The following ZNF385D variants were observed in gnomAD, a reference collection of about 807,000 sequenced individuals.
ZNF385D encodes the protein zinc finger protein 659.
ZNF385D carries 15 observed loss-of-function variants against 35.8 expected under a neutral mutation model. The observed-to-expected ratio is 0.42, with a 90% confidence interval of 0.28 to 0.64. The LOEUF (loss-of-function observed/expected upper bound fraction) is 0.64. Ranked by LOEUF, ZNF385D falls within the 30% of genes least tolerant of loss-of-function variation. The pLI, the probability that ZNF385D is intolerant of heterozygous loss-of-function variation, is 0.23. For synonymous variants in ZNF385D, 212 were observed against 186.8 expected, an observed-to-expected ratio of 1.13 and a Z score of -1.10; for missense variants, 474 against 494.6, an observed-to-expected ratio of 0.96 and a Z score of 0.39.
chr3:22,027,636 A>C (rs1000487393), intron 3 of ZNF385D, among the ~76,000 whole-genome samples: 42 of 152,308 alleles, frequency 2.8e-4, no homozygotes, highest in African/African-American at 9.9e-4. Context: ...CCTATCATGA[A>C]CTGGGTGCTT....
At chr3:22,061,747 C>A (rs1262750227) in intron 3 of ZNF385D, among the ~76,000 whole-genome samples, 3 of 152,156 alleles carry the variant, frequency 2.0e-5, no homozygotes, top group African/African-American at 7.2e-5. Flanking sequence ...CTCCCTTTGC[C>A]CTCTACCACT....
chr3:21,856,108 T>A (rs147278462), intron 3 of ZNF385D, among the ~76,000 whole-genome samples: 296 of 151,618 alleles, frequency 2.0e-3, no homozygotes, highest in African/African-American at 6.7e-3. Flanking sequence ...ATGCTCATTA[T>A]CTGAGAGGAG....
At chr3:21,485,789 TTTGTTA>T (rs1704985761) in intron 4 of ZNF385D, among the ~76,000 whole-genome samples, 2 of 152,114 alleles carry the variant, frequency 1.3e-5, no homozygotes, top group Non-Finnish European at 2.9e-5. Context: ...CTCCCTATGA[TTTGTTA>T]CTTGACAGAT....
intron 2 of ZNF385D, among the ~76,000 whole-genome samples, chr3:22,291,845 C>T (rs940218382): frequency 1.3e-5 from 2 of 151,960 alleles, no homozygotes; most frequent in Admixed American, 6.6e-5. Flanking sequence ...AAATTTAATG[C>T]TTTTTTATTT....
intron 3 of ZNF385D, among the ~76,000 whole-genome samples, chr3:21,925,931 T>A (rs760470374): frequency 6.6e-6 from 1 of 152,132 alleles, no homozygotes; most frequent in African/African-American, 2.4e-5. Context: ...CACTGAGCTA[T>A]TACTATGTAA....
At position 22,177,945 on chromosome 3, in the gene ZNF385D, T is replaced by C. The variant is rs1052465612; in HGVS notation, c.107-8910A>G. On this transcript the variant is annotated intron_variant, in intron 2 of 5. Coordinates refer to the ZNF385D transcript ENST00000494108. ...TTTTTTATGGCTGTACAGTATTCCA[T>C]GGTGTATATGTGCCACATTTTCTTA... Among the ~76,000 whole-genome samples the C allele has an allele frequency of 2.0e-5, 3 of 152,212 alleles. No homozygotes were observed. The South Asian group carries it at 6.2e-4, about 32-fold the overall frequency.
At chr3:21,793,875 G>C (rs2072031834) in intron 3 of ZNF385D, among the ~76,000 whole-genome samples, 1 of 152,172 alleles carries the variant, frequency 6.6e-6, no homozygotes, top group Non-Finnish European at 1.5e-5. Flanking sequence ...GGACAAGTCA[G>C]ATTTCTAGAC....
intron 1 of ZNF385D, among the ~76,000 whole-genome samples, chr3:21,668,552 T>A (rs1034981805): frequency 4.6e-5 from 7 of 152,162 alleles, no homozygotes; most frequent in African/African-American, 1.7e-4. Context: ...TTAAGTAAAA[T>A]GAAAAATTGC....
chr3:22,302,019 TGACA>T (rs754493113), intron 2 of ZNF385D, among the ~76,000 whole-genome samples: 192 of 152,194 alleles, frequency 1.3e-3, no homozygotes, highest in Non-Finnish European at 2.1e-3. Context: ...TCCTATTTAC[TGACA>T]TTTATATTGT....
At chr3:21,680,002 G>T (rs9859103) in intron 1 of ZNF385D, among the ~76,000 whole-genome samples, 9,898 of 152,110 alleles carry the variant, frequency 0.065, 379 homozygotes, top group East Asian at 0.13. Flanking sequence ...ACGTGGTAAG[G>T]ACTCAAAATA....
chr3:21,899,746 A>T (rs1320410027), intron 3 of ZNF385D, among the ~76,000 whole-genome samples: 1 of 152,222 alleles, frequency 6.6e-6, no homozygotes, highest in East Asian at 1.9e-4. Flanking sequence ...CTCCTACTAA[A>T]CATAATATAT....
intron 2 of ZNF385D, among the ~76,000 whole-genome samples, chr3:22,205,905 TA>T (rs1169681970): frequency 7.2e-5 from 11 of 152,116 alleles, no homozygotes; most frequent in African/African-American, 2.6e-4. Flanking sequence ...AGTTCTTGCT[TA>T]TAAGTAATAG....
chr3:21,945,244 G>T (rs1323321552), intron 3 of ZNF385D, among the ~76,000 whole-genome samples: 2 of 151,966 alleles, frequency 1.3e-5, no homozygotes, highest in Non-Finnish European at 2.9e-5. Context: ...AGGAGAAAGA[G>T]AAATTTTTCT....
intron 2 of ZNF385D, among the ~76,000 whole-genome samples, chr3:21,626,431 C>A (rs2125825216): frequency 6.6e-6 from 1 of 152,216 alleles, no homozygotes; most frequent in South Asian, 2.1e-4. Context: ...AAATGGCTTA[C>A]TTATGTAGAG....
intron 3 of ZNF385D, among the ~76,000 whole-genome samples, chr3:21,930,788 C>T (rs1223988887): frequency 1.3e-5 from 2 of 152,032 alleles, no homozygotes; most frequent in Non-Finnish European, 2.9e-5. Flanking sequence ...AAATTTAGAT[C>T]CTTATCTCAC....
chr3:21,694,793 T>A (rs894849040), intron 1 of ZNF385D, among the ~76,000 whole-genome samples: 2 of 152,212 alleles, frequency 1.3e-5, no homozygotes, highest in African/African-American at 4.8e-5. Context: ...ATCCACTTCT[T>A]ACTAACTGTG....
At chr3:22,209,476 G>C (rs1697374348) in intron 2 of ZNF385D, among the ~76,000 whole-genome samples, 1 of 151,632 alleles carries the variant, frequency 6.6e-6, no homozygotes, top group Non-Finnish European at 1.5e-5. Flanking sequence ...CCCTACATAT[G>C]GTGTTGTGTT....
At chr3:21,692,700 A>C (rs960223541) in intron 1 of ZNF385D, among the ~76,000 whole-genome samples, 1 of 152,208 alleles carries the variant, frequency 6.6e-6, no homozygotes, top group Non-Finnish European at 1.5e-5. Context: ...GCATGTCTTC[A>C]TTCGTCTTCC....
chr3:21,467,641 C>T (rs1431796329), intron 4 of ZNF385D, among the ~76,000 whole-genome samples: 1 of 152,116 alleles, frequency 6.6e-6, no homozygotes, highest in Non-Finnish European at 1.5e-5. Flanking sequence ...TGGTATTTCC[C>T]TGGTAACTCA....
Sources: allele counts gnomAD v4.1 joint callset (sites outside exome capture counted in the v4.1 genomes callset), GRCh38; gene constraint gnomAD v4.1.1; transcripts MANE v1.5; gene names NCBI Gene and HGNC (gene_info 2026-07-23, HGNC 2026-07-21).